Variants in SLC9A9 observed in about 807,000 individuals in gnomAD.
SLC9A9 encodes solute carrier family 9 member A9, also known as sodium/hydrogen exchanger 9.
SLC9A9 carries 62 observed loss-of-function variants against 77.8 expected under a neutral mutation model. The observed-to-expected ratio is 0.80, with a 90% CI of 0.65 to 0.98. SLC9A9 has a LOEUF of 0.98. SLC9A9 is among the 50% of genes least tolerant of loss of function. SLC9A9 has a pLI of 0.00. For synonymous variants in SLC9A9, 320 were observed against 283.5 expected (o/e 1.13, Z -1.29); for missense variants, 775 against 774.9 (o/e 1.00, Z 0.00).
intron 4 of SLC9A9, among the ~76,000 whole-genome samples, chr3:143,793,568 T>C (rs934691432): frequency 1.3e-5 from 2 of 152,202 alleles, no homozygotes; most frequent in Non-Finnish European, 2.9e-5. Context: ...CAGAACCCTC[T>C]CTCAATGTGT....
intron 6 of SLC9A9, among the ~76,000 whole-genome samples, chr3:143,610,053 C>A (rs576243649): frequency 6.6e-6 from 1 of 152,266 alleles, no homozygotes; most frequent in African/African-American, 2.4e-5. Context: ...TTCGCAAGCA[C>A]CAAAGTTTGA....
At chr3:143,270,461 C>T (rs530079974) in intron 14 of SLC9A9, among the ~76,000 whole-genome samples, 6 of 152,240 alleles carry the variant, frequency 3.9e-5, no homozygotes, top group South Asian at 2.1e-4. Flanking sequence ...CACAAGATCT[C>T]GCCCCTGCTG....
At chr3:143,429,164 T>G (rs2034462111) in intron 12 of SLC9A9, among the ~76,000 whole-genome samples, 3 of 152,252 alleles carry the variant, frequency 2.0e-5, no homozygotes, top group African/African-American at 7.2e-5. Flanking sequence ...TAAATATGCA[T>G]AATTATGTAT....
At chr3:143,425,492 G>A (rs1037977802) in intron 12 of SLC9A9, among the ~76,000 whole-genome samples, 2 of 152,106 alleles carry the variant, frequency 1.3e-5, no homozygotes, top group African/African-American at 4.8e-5. Context: ...TTAAAACAAT[G>A]TACTGGCTGG....
At chr3:143,522,743 G>A (rs2036322207) in intron 9 of SLC9A9, among the ~76,000 whole-genome samples, 1 of 152,054 alleles carries the variant, frequency 6.6e-6, no homozygotes, top group South Asian at 2.1e-4. Flanking sequence ...ATCAGCCCTT[G>A]TATCTACCTA....
intron 2 of SLC9A9, among the ~76,000 whole-genome samples, chr3:143,804,954 G>A (rs1258545318): frequency 2.0e-5 from 3 of 152,042 alleles, no homozygotes; most frequent in Non-Finnish European, 4.4e-5. Flanking sequence ...TTGACTTACT[G>A]CTGAAAAAGG....
At chr3:143,378,335 G>A (rs1373387943) in intron 13 of SLC9A9, among the ~76,000 whole-genome samples, 1 of 152,068 alleles carries the variant, frequency 6.6e-6, no homozygotes, top group African/African-American at 2.4e-5. Context: ...AAACTGTCTG[G>A]GTTCAAATTC....
chr3:143,575,195 C>T (rs926995240), intron 7 of SLC9A9, among the ~76,000 whole-genome samples: 6 of 152,164 alleles, frequency 3.9e-5, no homozygotes, highest in African/African-American at 1.4e-4. Flanking sequence ...AATACCTGAT[C>T]CTACATGAAA....
At chr3:143,417,247 C>T (rs1250458262) in intron 12 of SLC9A9, among the ~76,000 whole-genome samples, 1 of 152,090 alleles carries the variant, frequency 6.6e-6, no homozygotes, top group Non-Finnish European at 1.5e-5. Flanking sequence ...TGCTTCACTG[C>T]TCTCAGGACA....
intron 13 of SLC9A9, 56 bp downstream of exon 13, chr3:143,382,004 C>A: frequency 6.3e-7 from 1 of 1,596,638 alleles, no homozygotes; most frequent in Non-Finnish European, 8.6e-7. Context: ...ATGGAACAGC[C>A]TATGGAACAG....
At chr3:143,469,706 A>G (rs1319713943) in intron 11 of SLC9A9, among the ~76,000 whole-genome samples, 1 of 152,192 alleles carries the variant, frequency 6.6e-6, no homozygotes, top group African/African-American at 2.4e-5. Flanking sequence ...GAGACTTAAT[A>G]TGTTTTGCCT....
At chr3:143,596,513 GATA>G (rs2037755118) in intron 6 of SLC9A9, among the ~76,000 whole-genome samples, 1 of 152,072 alleles carries the variant, frequency 6.6e-6, no homozygotes, top group South Asian at 2.1e-4. Context: ...TTTCCTCATA[GATA>G]GATCCTGTCG....
At chr3:143,808,229 TTTTACTTACA>T (rs1206839287) in intron 2 of SLC9A9, among the ~76,000 whole-genome samples, 3 of 152,242 alleles carry the variant, frequency 2.0e-5, no homozygotes, top group African/African-American at 7.2e-5. Context: ...AGAAAAATTG[TTTTACTTACA>T]TTTATGAATC....
intron 14 of SLC9A9, among the ~76,000 whole-genome samples, chr3:143,311,969 T>C (rs534889739): frequency 6.6e-6 from 1 of 152,370 alleles, no homozygotes; most frequent in African/African-American, 2.4e-5. Flanking sequence ...GGTTAGATTT[T>C]TGTGAGATAG....
In SLC9A9 at chr3:143,455,580, T is replaced by A. The variant is rs2035076353; in HGVS notation, c.1469+11457A>T. ...GCCTCTCCATTAATTTAGTTCTTTC[T>A]TGGTTTCTGTTATTGGTATTTTGTT... On this transcript the variant is annotated intron_variant, in intron 12 of 15. Transcript: ENST00000316549. Among the ~76,000 whole-genome samples the A allele has an allele frequency of 5.3e-5, 8 of 152,300 alleles. No homozygotes were observed. The South Asian group carries it at 1.7e-3, about 32-fold the overall frequency.
intron 12 of SLC9A9, among the ~76,000 whole-genome samples, chr3:143,399,002 CACACAT>C (rs759178178): frequency 1.6e-3 from 190 of 115,596 alleles, no homozygotes; most frequent in Middle Eastern, 0.013. Flanking sequence ...TATACACACA[CACACAT>C]ACACACACAT....
intron 14 of SLC9A9, among the ~76,000 whole-genome samples, chr3:143,283,446 A>G (rs994500839): frequency 1.3e-5 from 2 of 152,190 alleles, no homozygotes; most frequent in Non-Finnish European, 2.9e-5. Flanking sequence ...GCCCTAGAGG[A>G]GACTGCCTGC....
At chr3:143,750,791 G>A (rs1399652519) in intron 4 of SLC9A9, among the ~76,000 whole-genome samples, 2 of 149,326 alleles carry the variant, frequency 1.3e-5, no homozygotes, top group Non-Finnish European at 3.0e-5. Context: ...ACAAATATTT[G>A]TCTCTTCTTT....
intron 9 of SLC9A9, chr3:143,503,213 A>G (rs892301715): frequency 6.3e-5 from 13 of 205,108 alleles, no homozygotes; most frequent in South Asian, 4.2e-4. Flanking sequence ...TAAGTGGGGC[A>G]GGGACTGCAC....
Sources: gnomAD v4.1 joint callset for allele counts (sites outside exome capture counted in the v4.1 genomes callset) on GRCh38, gnomAD v4.1.1 for gene constraint, MANE v1.5 for transcripts, NCBI Gene and HGNC (gene_info 2026-07-23, HGNC 2026-07-21) for gene names.